TSPAN6: variants seen among roughly 807,000 people sequenced by gnomAD.
TSPAN6 encodes tetraspanin 6.
A neutral mutation model predicts 18.0 loss-of-function variants in TSPAN6; 13 were observed. The observed-to-expected ratio is 0.72, with a 90% CI of 0.47 to 1.15. TSPAN6 has a LOEUF of 1.15. TSPAN6 is among the 50% of genes most tolerant of loss of function. The pLI is 0.00. For missense variants in TSPAN6, 186 were observed against 183.9 expected (o/e 1.01, Z -0.07); for synonymous variants, 82 against 67.0 (o/e 1.22, Z -1.09).
At chrX:100,635,399 T>C in intron 2 of TSPAN6, 147 bp from the exon 3 acceptor site, 2 of 663,349 alleles carry the variant, frequency 3.0e-6, no homozygotes. Context: ...ACATGTCTAT[T>C]TTGAAAGTGG....
At position 100,636,719 on chromosome X, in the gene TSPAN6, C is replaced by T. The variant is rs372462575; in HGVS notation, c.-25G>A. 41 of 1,178,728 alleles carry T rather than the reference C, an allele frequency of 3.5e-5. No homozygotes were observed. The African/African-American group carries it at 6.2e-4, about 18-fold the overall frequency. ...TGACTAGCCCGAGACCCTGCACCAC[C>T]GCACCGGGCGATTGGAACACAGAGA... On this transcript the variant is annotated 5_prime_UTR_variant, in exon 1 of 8. Coordinates refer to ENST00000373020, the MANE Select transcript of TSPAN6 (RefSeq NM_003270.4).
chrX:100,633,996 C>G lies in TSPAN6; in HGVS notation c.385G>C (p.Ala129Pro), dbSNP rs751414668. ...CCTGTAGAGTTATACTGCTTCAAAG[C>G]CTTCTCATAATTATTCTTAAAGCTG... ...KNSFKNNYEK[A>P]LKQYNSTGDY... The change falls in exon 4 of 8, where the codon GCT (alanine) becomes CCT (proline). Residue 129 changes from alanine to proline, a missense_variant. Transcript: ENST00000373020. 2 of 1,198,778 alleles carry G rather than the reference C, an allele frequency of 1.7e-6. No homozygotes were observed. Among genetic ancestry groups the G allele is most frequent in the East Asian group, 5.9e-5 (2 of 33,733 alleles).
intron 2 of TSPAN6, 49 bp downstream of exon 2, chrX:100,635,509 A>G: frequency 9.2e-7 from 1 of 1,090,293 alleles, no homozygotes; most frequent in Non-Finnish European, 1.2e-6. Context: ...TATAACATAC[A>G]AAACTTTTCT....
chrX:100,636,725 G>C lies in TSPAN6; in HGVS notation c.-31C>G, dbSNP rs763160415. 6.0e-6 allele frequency: 7 copies of C among 1,175,831 alleles called. No individual in the cohort carries two copies. The highest frequency in any genetic ancestry group is 2.4e-5 in the Admixed American group (1 of 41,311). Reference sequence around the variant, plus strand: ...GCCCGAGACCCTGCACCACCGCACCGGGCGATTGGAACACAGAGAGCGAGA... The same window carrying C: ...GCCCGAGACCCTGCACCACCGCACCCGGCGATTGGAACACAGAGAGCGAGA... On this transcript the variant is annotated 5_prime_UTR_variant, in exon 1 of 8. Transcript: ENST00000373020.
At position 100,633,420 on chromosome X, in the gene TSPAN6, G is replaced by T; in HGVS notation, c.570C>A (p.Asp190Glu). The change falls in exon 5 of 8, where the codon GAC (aspartate) becomes GAA (glutamate). Residue 190 changes from aspartate to glutamate, a missense_variant. Physicochemically the swap from Asp to Glu is conservative, Grantham distance 45. Coordinates refer to ENST00000373020, the MANE Select transcript of TSPAN6 (RefSeq NM_003270.4). ...GGCACCTTACTTCATTGTTTACTTTGTCTGCATCTCTCTGTGGAGTACAAT... is the reference window on the plus strand; with the variant it reads ...GGCACCTTACTTCATTGTTTACTTTTTCTGCATCTCTCTGTGGAGTACAAT... ...LEDCTPQRDA[D>E]KVNNEGCFIK... The T allele has an allele frequency of 8.3e-7, 1 of 1,208,618 alleles. No homozygotes were observed.
chrX:100,633,495 A>T lies in TSPAN6; in HGVS notation c.495T>A (p.Thr165=). Reference sequence around the variant, plus strand: ...GAAATCCTTTTTCTGAGTAATAATTAGTATCTGTCCAATCTCTATAATCGG... The same window carrying T: ...GAAATCCTTTTTCTGAGTAATAATTTGTATCTGTCCAATCTCTATAATCGG... ...GVTDYRDWTD[T]NYYSEKGFPK... The change falls in exon 5 of 8, where the codon ACT becomes ACA. Residue 165 remains threonine, a synonymous_variant. Transcript: ENST00000373020. 8.3e-7 allele frequency: 1 copy of T among 1,207,565 alleles called. No homozygotes were observed. Among genetic ancestry groups the T allele is most frequent in the Non-Finnish European group, 1.1e-6 (1 of 892,929 alleles).
In TSPAN6 at chrX:100,628,544, A is replaced by G. The variant is rs772770403; in HGVS notation, c.*1482T>C. 8.9e-6 allele frequency: 1 copy of G among 111,865 alleles called. No individual in the cohort carries two copies. Among genetic ancestry groups the G allele is most frequent in the Admixed American group, 9.5e-5 (1 of 10,549 alleles). 9.2% of individuals were successfully genotyped at this position (111,865 alleles called of 1,213,427 possible). ...TCAAAACCAAAGAAATAATTCCCTG[A>G]CTTCAACTCAAATTTTAGTAATTAT... On this transcript the variant is annotated 3_prime_UTR_variant, in exon 8 of 8. Coordinates refer to ENST00000373020, the MANE Select transcript of TSPAN6 (RefSeq NM_003270.4).
intron 1 of TSPAN6, chrX:100,636,230 G>A (rs1422524513): frequency 2.5e-6 from 2 of 804,777 alleles, no homozygotes; most frequent in African/African-American, 4.4e-5. Context: ...TGAAAAGAAA[G>A]ACACTATTAT....
chrX:100,628,365 A>G lies in TSPAN6; in HGVS notation c.*1661T>C, dbSNP rs2083037924. ...ATATCATTTTTCTGCAATAACTCCA[A>G]GCATTTTAAAACACATACTCAAAAT... is the stretch of plus-strand genomic sequence containing the variant. On this transcript the variant is annotated 3_prime_UTR_variant, in exon 8 of 8. Transcript: ENST00000373020. 1 of 111,565 alleles carries G rather than the reference A, an allele frequency of 9.0e-6. No homozygotes were observed. Among genetic ancestry groups the G allele is most frequent in the African/African-American group, 3.3e-5 (1 of 30,647 alleles). The allele number at this position is 111,565 out of a possible 1,213,427, so 9.2% of individuals were successfully genotyped here.
In TSPAN6 at chrX:100,633,508, T is replaced by A; in HGVS notation, c.482A>T (p.Asp161Val). The A allele has an allele frequency of 8.3e-7, 1 of 1,204,181 alleles. No homozygotes were observed. Among genetic ancestry groups the A allele is most frequent in the Non-Finnish European group, 1.1e-6 (1 of 892,589 alleles). The change falls in exon 5 of 8, where the codon GAT becomes GTT. Residue 161 changes from aspartate (D) to valine (V), a missense_variant. Coordinates refer to ENST00000373020, the MANE Select transcript of TSPAN6 (RefSeq NM_003270.4). Reference sequence around the variant, plus strand: ...TGAGTAATAATTAGTATCTGTCCAATCTCTATAATCGGTGACACCACAACA... The same window carrying A: ...TGAGTAATAATTAGTATCTGTCCAAACTCTATAATCGGTGACACCACAACA... ...LHCCGVTDYR[D>V]WTDTNYYSEK...
In TSPAN6 at chrX:100,636,734, G is replaced by C; in HGVS notation, c.-40C>G. The C allele has an allele frequency of 8.6e-7, 1 of 1,165,124 alleles. No individual in the cohort carries two copies. The highest frequency in any genetic ancestry group is 1.1e-6 in the Non-Finnish European group (1 of 872,312). ...CCTGCACCACCGCACCGGGCGATTG[G>C]AACACAGAGAGCGAGACGCGGAGTC... On this transcript the variant is annotated 5_prime_UTR_variant, in exon 1 of 8. Coordinates refer to ENST00000373020, the MANE Select transcript of TSPAN6 (RefSeq NM_003270.4).
At chrX:100,636,478 G>C in intron 1 of TSPAN6, 130 bp downstream of exon 1, 1 of 1,011,303 alleles carries the variant, frequency 9.9e-7, no homozygotes, top group Non-Finnish European at 1.3e-6. Flanking sequence ...CGCCGGCGTC[G>C]GGGTCCCAGG....
rs2083042001 is a variant in TSPAN6 at position 100,629,040 on chromosome X, A to G, written c.*986T>C. 8.9e-6 allele frequency: 1 copy of G among 112,146 alleles called. No individual in the cohort carries two copies. Among genetic ancestry groups the G allele is most frequent in the African/African-American group, 3.2e-5 (1 of 30,871 alleles). The allele number at this position is 112,146 out of a possible 1,213,427, so 9.2% of individuals were successfully genotyped here. On this transcript the variant is annotated 3_prime_UTR_variant, in exon 8 of 8. Coordinates refer to ENST00000373020, the MANE Select transcript of TSPAN6 (RefSeq NM_003270.4). ...AAACACGATCTTTTTAGAGGAAAGC[A>G]GTATTTATTGTATAAGAGTTATACT...
intron 5 of TSPAN6, 30 bp downstream of exon 5, chrX:100,633,375 C>T (rs776752997): frequency 8.3e-7 from 1 of 1,199,329 alleles, no homozygotes; most frequent in East Asian, 3.0e-5. Context: ...TCAAATATTG[C>T]CAAATAGAAA....
chrX:100,631,825 A>G (rs1453478594), intron 6 of TSPAN6, among the ~76,000 whole-genome samples: 2 of 111,694 alleles, frequency 1.8e-5, no homozygotes, highest in Non-Finnish European at 3.8e-5. Context: ...AACTGCTTTC[A>G]AAAGATATGC....
chrX:100,632,389 G>A (rs1037641423), intron 6 of TSPAN6, 96 bp downstream of exon 6: 20 of 644,458 alleles, frequency 3.1e-5, no homozygotes, highest in African/African-American at 1.6e-4. Flanking sequence ...CCTGGCAACC[G>A]AGCAAGACTC....
upstream of TSPAN6, chrX:100,636,851 T>C (rs772928369): frequency 2.0e-6 from 1 of 511,136 alleles, no homozygotes; most frequent in South Asian, 8.8e-5. Flanking sequence ...GGGTAAAGTA[T>C]GGGAGGCTGT....
intron 7 of TSPAN6, 125 bp downstream of exon 7, chrX:100,630,634 T>C: frequency 8.0e-6 from 4 of 498,567 alleles, no homozygotes; most frequent in East Asian, 3.7e-5. Flanking sequence ...AGGGTTTACA[T>C]AGCACCAGCT....
rs1486876483 is a variant in TSPAN6 at position 100,629,004 on chromosome X, C to T, written c.*1022G>A. Reference sequence around the variant, plus strand: ...AACAACCATTCCAGCAGATTTTCTACAAGTTAATTTAAACACGATCTTTTT... The same window carrying T: ...AACAACCATTCCAGCAGATTTTCTATAAGTTAATTTAAACACGATCTTTTT... On this transcript the variant is annotated 3_prime_UTR_variant, in exon 8 of 8. Coordinates refer to ENST00000373020, the MANE Select transcript of TSPAN6 (RefSeq NM_003270.4). 8.9e-6 allele frequency: 1 copy of T among 112,040 alleles called. No individual in the cohort carries two copies. The highest frequency in any genetic ancestry group is 1.9e-5 in the Non-Finnish European group (1 of 53,266). 9.2% of individuals were successfully genotyped at this position (112,040 alleles called of 1,213,427 possible). A position where few individuals can be genotyped will look rare whatever the true frequency, so the allele number is the denominator to read the frequency against.
Sources: allele counts gnomAD v4.1 joint callset (sites outside exome capture counted in the v4.1 genomes callset), GRCh38; gene constraint gnomAD v4.1.1; transcripts MANE v1.5; gene names NCBI Gene and HGNC (gene_info 2026-07-23, HGNC 2026-07-21).